Variants in DEPDC1B observed in about 807,000 individuals in gnomAD.
DEPDC1B encodes the protein DEP domain containing 1B, also known as DEP domain-containing protein 1B.
Under a neutral mutation model 66.5 loss-of-function variants are expected in DEPDC1B, and 51 were observed. The observed-to-expected ratio is 0.77, with a 90% CI of 0.61 to 0.97. The LOEUF (loss-of-function observed/expected upper bound fraction) is 0.97, where lower values mean the gene tolerates loss of function less well. Ranked by LOEUF, DEPDC1B falls within the 50% of genes least tolerant of loss-of-function variation. The pLI is 0.00. For synonymous variants in DEPDC1B, 226 were observed against 223.6 expected, an observed-to-expected ratio of 1.01 and a Z score of -0.10; for missense variants, 552 against 637.1, an observed-to-expected ratio of 0.87 and a Z score of 1.44.
At position 60,663,279 on chromosome 5, in the gene DEPDC1B, C is replaced by T. The variant is rs192087936; in HGVS notation, c.315-15746G>A. On this transcript the variant is annotated intron_variant, in intron 2 of 10. Coordinates refer to ENST00000265036, the MANE Select transcript of DEPDC1B (RefSeq NM_018369.3). ...ACCAAAGGCATTACCTGCTTAGACCCGAGGACCAATAAGGACTCCAAAAGA... is the reference window on the plus strand; with the variant it reads ...ACCAAAGGCATTACCTGCTTAGACCTGAGGACCAATAAGGACTCCAAAAGA... Among the ~76,000 whole-genome samples, 147 of 152,180 alleles carry T rather than the reference C, an allele frequency of 9.7e-4. 1 individual carries two copies. The highest frequency in any genetic ancestry group is 3.4e-3 in the African/African-American group (142 of 41,512).
chr5:60,656,030 C>T lies in DEPDC1B; in HGVS notation c.315-8497G>A, dbSNP rs142686428. On this transcript the variant is annotated intron_variant, in intron 2 of 10. Coordinates refer to ENST00000265036, the MANE Select transcript of DEPDC1B (RefSeq NM_018369.3). ...AAATTTATTGAGACTTGTTTTGTGG[C>T]CTATCATATGGTCTATCTTGGAGAA... 7.4e-3 allele frequency among the ~76,000 whole-genome samples: 979 copies of T among 131,834 alleles called. 112 individuals are homozygous for T. The highest frequency in any genetic ancestry group is 0.025 in the African/African-American group (761 of 30,412). 86.5% of individuals were successfully genotyped at this position (131,834 alleles called of 152,430 possible). A position where few individuals can be genotyped will look rare whatever the true frequency, so the allele number is the denominator to read the frequency against.
rs1753879117 is a variant in DEPDC1B at position 60,667,571 on chromosome 5, G to GGATATTTTACATATATAAAAAA, written c.314+19390_314+19391insTTTTTTATATATGTAAAATATC. Among the ~76,000 whole-genome samples, 9 of 128,522 alleles carry GGATATTTTACATATATAAAAAA rather than the reference G, an allele frequency of 7.0e-5. 1 individual carries two copies. The highest frequency in any genetic ancestry group is 1.1e-4 in the African/African-American group (4 of 35,944). 84.3% of individuals were successfully genotyped at this position (128,522 alleles called of 152,430 possible). A position where few individuals can be genotyped will look rare whatever the true frequency, so the allele number is the denominator to read the frequency against. ...ATGGATATTTTACATATATAAAAAAGTGGATATTTTACATATATAAAAATG... is the reference window on the plus strand; with the variant it reads ...ATGGATATTTTACATATATAAAAAAGGATATTTTACATATATAAAAAATGGATATTTTACATATATAAAAATG... On this transcript the variant is annotated intron_variant, in intron 2 of 10. Transcript: ENST00000265036.
At position 60,694,135 on chromosome 5, in the gene DEPDC1B, CT is replaced by C. The variant is rs1470161562; in HGVS notation, c.48+5910del. ...AGTATACACAAAAGAGTTTGCATGT[CT>C]TACTCCATACCTATCACATACAGAC... is the stretch of plus-strand genomic sequence containing the variant. On this transcript the variant is annotated intron_variant, in intron 1 of 10. Coordinates refer to ENST00000265036, the MANE Select transcript of DEPDC1B (RefSeq NM_018369.3). Among the ~76,000 whole-genome samples, 4 of 152,236 alleles carry C rather than the reference CT, an allele frequency of 2.6e-5. No homozygotes were observed. In the East Asian group the frequency reaches 7.7e-4, roughly 29 times the overall value.
intron 2 of DEPDC1B, among the ~76,000 whole-genome samples, chr5:60,671,860 C>G (rs1754047653): frequency 6.6e-6 from 1 of 152,162 alleles, no homozygotes; most frequent in Non-Finnish European, 1.5e-5. Context: ...TATCAGACAC[C>G]AATAGGTAAC....
intron 2 of DEPDC1B, among the ~76,000 whole-genome samples, chr5:60,662,387 C>CAA (rs879473828): frequency 7.3e-6 from 1 of 136,438 alleles, no homozygotes; most frequent in Non-Finnish European, 1.6e-5. Flanking sequence ...GACTCCGTCT[C>CAA]AAAAAAAAAA....
rs191872310 is a variant in DEPDC1B at position 60,656,747 on chromosome 5, A to G, written c.315-9214T>C. On this transcript the variant is annotated intron_variant, in intron 2 of 10. Coordinates refer to ENST00000265036, the MANE Select transcript of DEPDC1B (RefSeq NM_018369.3). ...TTGCCCTATAAAACCATCAGATCTCATGAGAACTCACTCTCAGGGGAACAG... is the reference window on the plus strand; with the variant it reads ...TTGCCCTATAAAACCATCAGATCTCGTGAGAACTCACTCTCAGGGGAACAG... Among the ~76,000 whole-genome samples, 331 of 152,118 alleles carry G rather than the reference A, an allele frequency of 2.2e-3. 2 individuals are homozygous for G. The highest frequency in any genetic ancestry group is 7.7e-3 in the African/African-American group (319 of 41,550).
At chr5:60,642,966 C>G in intron 5 of DEPDC1B, 107 bp from the exon 6 acceptor site, 1 of 762,854 alleles carries the variant, frequency 1.3e-6, no homozygotes, top group South Asian at 1.9e-5. Context: ...TGAACCATAT[C>G]TGCTAATCAC....
chr5:60,672,893 G>A (rs932931392), intron 2 of DEPDC1B, among the ~76,000 whole-genome samples: 5 of 152,138 alleles, frequency 3.3e-5, no homozygotes, highest in Non-Finnish European at 5.9e-5. Flanking sequence ...AGGACTGAGC[G>A]ACCTTAACTG....
At chr5:60,626,493 C>T (rs1752810992) in intron 7 of DEPDC1B, among the ~76,000 whole-genome samples, 1 of 152,102 alleles carries the variant, frequency 6.6e-6, no homozygotes, top group South Asian at 2.1e-4. Flanking sequence ...TGAGGAACTG[C>T]CAAACTGTTT....
intron 5 of DEPDC1B, among the ~76,000 whole-genome samples, chr5:60,643,470 CCA>C: frequency 6.6e-6 from 1 of 152,198 alleles, no homozygotes; most frequent in Non-Finnish European, 1.5e-5. Flanking sequence ...CCACGCCCTG[CCA>C]CAGACATCTG....
intron 1 of DEPDC1B, among the ~76,000 whole-genome samples, chr5:60,697,500 T>A (rs1055835143): frequency 2.6e-5 from 4 of 152,204 alleles, no homozygotes; most frequent in African/African-American, 9.6e-5. Flanking sequence ...AAAAGAGGAC[T>A]AGTCTCAAAC....
intron 7 of DEPDC1B, among the ~76,000 whole-genome samples, chr5:60,621,558 T>C (rs547565998): frequency 3.4e-4 from 52 of 151,442 alleles, no homozygotes; most frequent in African/African-American, 1.2e-3. Context: ...TGGGGAGGGA[T>C]AGCATTAGGA....
At chr5:60,648,612 G>T (rs537741608) in intron 2 of DEPDC1B, among the ~76,000 whole-genome samples, 17 of 152,198 alleles carry the variant, frequency 1.1e-4, no homozygotes, top group Non-Finnish European at 2.5e-4. Context: ...AAAAACAGTC[G>T]CAATAGATTT....
At chr5:60,662,593 A>G (rs751204861) in intron 2 of DEPDC1B, among the ~76,000 whole-genome samples, 14 of 152,184 alleles carry the variant, frequency 9.2e-5, no homozygotes, top group Non-Finnish European at 1.5e-4. Context: ...GGTTGAGCAA[A>G]TCGAATGCCT....
intron 1 of DEPDC1B, among the ~76,000 whole-genome samples, chr5:60,693,761 T>TA (rs1195089506): frequency 6.6e-6 from 1 of 152,164 alleles, no homozygotes; most frequent in Non-Finnish European, 1.5e-5. Context: ...CACATATTTT[T>TA]AATCATTGAT....
Position 60,644,855 on chromosome 5 carries a change from A to T in DEPDC1B, c.599T>A (p.Leu200Gln). ...GTCTAAAACTTCTTCTAAGGAATCC[A>T]GGCCAAGAATTTTCTGTAAGCTAAA... is the stretch of plus-strand genomic sequence containing the variant. ...TLSYLQKILGLDSLEEVLDVK... is the reference protein window; with the variant it reads ...TLSYLQKILGQDSLEEVLDVK... Residue 200 changes from leucine to glutamine, a missense_variant, in exon 5 of 11, where the codon CTG becomes CAG. By Grantham distance (113) the Leu-to-Gln change is moderately radical (BLOSUM62 -2). Coordinates refer to ENST00000265036, the MANE Select transcript of DEPDC1B (RefSeq NM_018369.3). 6.2e-7 allele frequency: 1 copy of T among 1,606,090 alleles called. No individual in the cohort carries two copies. The highest frequency in any genetic ancestry group is 8.5e-7 in the Non-Finnish European group (1 of 1,176,104).
At chr5:60,683,620 A>G (rs1456135296) in intron 2 of DEPDC1B, among the ~76,000 whole-genome samples, 1 of 152,164 alleles carries the variant, frequency 6.6e-6, no homozygotes, top group Non-Finnish European at 1.5e-5. Flanking sequence ...ATATAACACA[A>G]TAAAAGCCAT....
chr5:60,604,734 G>T (rs573148219), intron 8 of DEPDC1B, among the ~76,000 whole-genome samples: 1 of 152,178 alleles, frequency 6.6e-6, no homozygotes, highest in East Asian at 1.9e-4. Flanking sequence ...TTTGCCTGGA[G>T]ACCATGGACC....
At chr5:60,657,233 T>G (rs886764078) in intron 2 of DEPDC1B, among the ~76,000 whole-genome samples, 2 of 152,232 alleles carry the variant, frequency 1.3e-5, no homozygotes, top group Non-Finnish European at 2.9e-5. Flanking sequence ...GTTGGTGAAT[T>G]CTTATCCATT....
Sources: gnomAD v4.1 joint callset for allele counts (sites outside exome capture counted in the v4.1 genomes callset) on GRCh38, gnomAD v4.1.1 for gene constraint, MANE v1.5 for transcripts, NCBI Gene and HGNC (gene_info 2026-07-23, HGNC 2026-07-21) for gene names.